ZNF317: variants seen among roughly 807,000 people sequenced by gnomAD.
The protein encoded by ZNF317 is KRAB-containing zinc finger protein 317.
A neutral mutation model predicts 23.4 loss-of-function variants in ZNF317; 17 were observed. The ratio of observed to expected loss-of-function variants is 0.73; its 90% CI spans 0.50 to 1.09. The LOEUF (loss-of-function observed/expected upper bound fraction) is 1.09, where lower values mean the gene tolerates loss of function less well. Among genes scored for constraint, ZNF317 ranks in the 50% least tolerant of loss-of-function variants. The pLI is 0.00. For missense variants in ZNF317, 679 were observed against 796.7 expected (o/e 0.85, Z 1.78); for synonymous variants, 317 against 314.9 (o/e 1.01, Z -0.07).
At chr19:9,158,329 C>G (rs1467936618) in intron 5 of ZNF317, among the ~76,000 whole-genome samples, 1 of 142,598 alleles carries the variant, frequency 7.0e-6, no homozygotes, top group Non-Finnish European at 1.5e-5. Flanking sequence ...CTGTCATTAT[C>G]AACATCATCT....
intron 1 of ZNF317, among the ~76,000 whole-genome samples, chr19:9,150,154 A>G (rs2050723766): frequency 6.6e-6 from 1 of 152,146 alleles, no homozygotes; most frequent in Non-Finnish European, 1.5e-5. Context: ...CAGTAGGGAT[A>G]CTAAGTAGCC....
chr19:9,155,017 T>C (rs1367185418), intron 1 of ZNF317, among the ~76,000 whole-genome samples: 2 of 152,204 alleles, frequency 1.3e-5, no homozygotes, highest in African/African-American at 4.8e-5. Flanking sequence ...TTACCCTTTT[T>C]GTTGGGTTGA....
chr19:9,144,164 A>G (rs1207590680), intron 1 of ZNF317, among the ~76,000 whole-genome samples: 2 of 151,680 alleles, frequency 1.3e-5, no homozygotes, highest in Non-Finnish European at 2.9e-5. Context: ...CACCACACCC[A>G]GCTAATTTTT....
In ZNF317 at chr19:9,140,416, C is replaced by T; in HGVS notation, c.-269C>T. ...GGCGGCAGTGAAGCGGAAGCCATTA[C>T]TCTCTGGAGTCGATTGCCCCGAGAC... On this transcript the variant is annotated 5_prime_UTR_variant, in exon 1 of 7. Coordinates refer to ENST00000247956, the MANE Select transcript of ZNF317 (RefSeq NM_020933.5). 2.4e-6 allele frequency: 1 copy of T among 421,798 alleles called. No individual in the cohort carries two copies. Among genetic ancestry groups the T allele is most frequent in the Non-Finnish European group, 4.7e-6 (1 of 210,770 alleles). 26.1% of individuals were successfully genotyped at this position (421,798 alleles called of 1,614,324 possible).
At chr19:9,147,484 G>A (rs1281801591) in intron 1 of ZNF317, among the ~76,000 whole-genome samples, 1 of 151,988 alleles carries the variant, frequency 6.6e-6, no homozygotes. Flanking sequence ...GGGACTACAG[G>A]CGCCCGCCAC....
intron 1 of ZNF317, among the ~76,000 whole-genome samples, chr19:9,147,553 G>A (rs991669696): frequency 5.3e-5 from 8 of 151,616 alleles, no homozygotes; most frequent in African/African-American, 1.9e-4. Flanking sequence ...TTCACAGGAT[G>A]GTCTCAATCT....
rs1374127175 is a variant in ZNF317 at position 9,160,590 on chromosome 19, C to T, written c.945C>T (p.Tyr315=). The change falls in exon 7 of 7, where the codon TAC becomes TAT. Residue 315 remains tyrosine (Y), a synonymous_variant. Coordinates refer to ENST00000247956, the MANE Select transcript of ZNF317 (RefSeq NM_020933.5). The surrounding 1 kb of genome is among the most constrained non-coding windows in gnomAD (Gnocchi z 6.8). ...AGTGTGATCAGTGCGGGAAGGCTTACGGCCGGAGCTGCCACCTCATCGCAC... is the reference window on the plus strand; with the variant it reads ...AGTGTGATCAGTGCGGGAAGGCTTATGGCCGGAGCTGCCACCTCATCGCAC... ...PYKCDQCGKA[Y]GRSCHLIAHK... The T allele has an allele frequency of 9.9e-6, 16 of 1,614,056 alleles. No homozygotes were observed. The highest frequency in any genetic ancestry group is 1.3e-5 in the African/African-American group (1 of 74,910).
At chr19:9,144,110 C>G (rs1227685568) in intron 1 of ZNF317, among the ~76,000 whole-genome samples, 2 of 151,952 alleles carry the variant, frequency 1.3e-5, no homozygotes, top group Non-Finnish European at 2.9e-5. Flanking sequence ...TCAAGTGATT[C>G]TCCTGTCTCA....
chr19:9,161,068 G>C lies in ZNF317; in HGVS notation c.1423G>C (p.Glu475Gln), dbSNP rs754588125. 1.9e-6 allele frequency: 3 copies of C among 1,614,088 alleles called. No individual in the cohort carries two copies. The highest frequency in any genetic ancestry group is 2.5e-6 in the Non-Finnish European group (3 of 1,180,054). ...GATACACACGCAAGAGAGACGCTAC[G>C]AATGCGCCGCCTGCGGGAAAGTCTT... ...RKIHTQERRY[E>Q]CAACGKVFGD... The change falls in exon 7 of 7, where the codon GAA (glutamate) becomes CAA (glutamine). Residue 475 changes from glutamate to glutamine, a missense_variant. Coordinates refer to ENST00000247956, the MANE Select transcript of ZNF317 (RefSeq NM_020933.5). This position sits in a 1 kb window ranked among gnomAD's most constrained non-coding sequence, Gnocchi z 4.0.
chr19:9,161,519 T>C lies in ZNF317; in HGVS notation c.*86T>C, dbSNP rs2050857238. ...AGGAAGCCTCTGTGAGCTCGCACCTTACTGGGTGCAAAAGAATCCACGGAA... is the reference window on the plus strand; with the variant it reads ...AGGAAGCCTCTGTGAGCTCGCACCTCACTGGGTGCAAAAGAATCCACGGAA... On this transcript the variant is annotated 3_prime_UTR_variant, in exon 7 of 7. Transcript: ENST00000247956. The surrounding 1 kb of genome is among the most constrained non-coding windows in gnomAD (Gnocchi z 4.0). The C allele has an allele frequency of 6.6e-7, 1 of 1,506,572 alleles. No individual in the cohort carries two copies. Among genetic ancestry groups the C allele is most frequent in the East Asian group, 2.3e-5 (1 of 43,996 alleles). 93.3% of individuals were successfully genotyped at this position (1,506,572 alleles called of 1,614,324 possible).
At position 9,155,954 on chromosome 19, in the gene ZNF317, A is replaced by G; in HGVS notation, c.-63A>G. 6.3e-7 allele frequency: 1 copy of G among 1,596,752 alleles called. No individual in the cohort carries two copies. Among genetic ancestry groups the G allele is most frequent in the Non-Finnish European group, 8.6e-7 (1 of 1,164,222 alleles). On this transcript the variant is annotated 5_prime_UTR_variant, in exon 2 of 7. Transcript: ENST00000247956. ...CAGCTTGGAGAGTCACGTGAGAGCA[A>G]GAGAGTAGCTTTCTGGTTGTCCTGG...
At position 9,140,455 on chromosome 19, in the gene ZNF317, A is replaced by C; in HGVS notation, c.-230A>C. On this transcript the variant is annotated 5_prime_UTR_variant, in exon 1 of 7. Coordinates refer to ENST00000247956, the MANE Select transcript of ZNF317 (RefSeq NM_020933.5). ...TTGCCCCGAGACACATGGGCCAAGG[A>C]GGGGTCAGCGGCGAATTCTTTCGGC... The C allele has an allele frequency of 2.2e-6, 1 of 454,770 alleles. No individual in the cohort carries two copies. Among genetic ancestry groups the C allele is most frequent in the South Asian group, 1.6e-5 (1 of 64,328 alleles). The allele number at this position is 454,770 out of a possible 1,614,324, so 28.2% of individuals were successfully genotyped here. A position where few individuals can be genotyped will look rare whatever the true frequency, so the allele number is the denominator to read the frequency against.
Position 9,157,281 on chromosome 19 carries a change from T to G in ZNF317, c.176T>G (p.Phe59Cys). The G allele has an allele frequency of 6.2e-7, 1 of 1,614,000 alleles. No individual in the cohort carries two copies. Among genetic ancestry groups the G allele is most frequent in the Non-Finnish European group, 8.5e-7 (1 of 1,179,948 alleles). The change falls in exon 4 of 7, where the codon TTC becomes TGC. Residue 59 changes from phenylalanine (F) to cysteine (C), a missense_variant. Phe to Cys is a radical substitution (Grantham distance 205). Coordinates refer to ENST00000247956, the MANE Select transcript of ZNF317 (RefSeq NM_020933.5). ...PSVGSQESVT[F>C]QDVAVDFTEK... Reference sequence around the variant, plus strand: ...GTGGCGTTCCAGGAATCGGTGACTTTCCAAGATGTCGCTGTGGACTTTACC... The same window carrying G: ...GTGGCGTTCCAGGAATCGGTGACTTGCCAAGATGTCGCTGTGGACTTTACC...
chr19:9,153,507 G>C (rs2050755062), intron 1 of ZNF317, among the ~76,000 whole-genome samples: 2 of 152,122 alleles, frequency 1.3e-5, no homozygotes, highest in Admixed American at 1.3e-4. Flanking sequence ...GCTTTTCCTA[G>C]GCAAAGGGAA....
chr19:9,142,340 G>A (rs1044764118), intron 1 of ZNF317, among the ~76,000 whole-genome samples: 2 of 152,064 alleles, frequency 1.3e-5, no homozygotes, highest in African/African-American at 4.8e-5. Flanking sequence ...TTTTGTGCTG[G>A]ACTGGGTGGG....
intron 1 of ZNF317, among the ~76,000 whole-genome samples, chr19:9,148,371 G>A (rs1303829243): frequency 6.6e-6 from 1 of 152,186 alleles, no homozygotes; most frequent in African/African-American, 2.4e-5. Context: ...AATTGATGTG[G>A]GTGCGCTCTC....
At chr19:9,154,446 G>A (rs755841460) in intron 1 of ZNF317, among the ~76,000 whole-genome samples, 10 of 150,560 alleles carry the variant, frequency 6.6e-5, no homozygotes, top group African/African-American at 1.2e-4. Context: ...ACTTAATTAC[G>A]TTTTGCCTAT....
chr19:9,161,640 C>A lies in ZNF317; in HGVS notation c.*207C>A. 2 of 641,256 alleles carry A rather than the reference C, an allele frequency of 3.1e-6. No homozygotes were observed. Among genetic ancestry groups the A allele is most frequent in the South Asian group, 2.3e-5 (1 of 43,912 alleles). The allele number at this position is 641,256 out of a possible 1,614,324, so 39.7% of individuals were successfully genotyped here. Reference sequence around the variant, plus strand: ...AACTCACGCCGGGGGTGAAAATGTACGTCTGTAGCATGGAGAAGCCTTCAG... The same window carrying A: ...AACTCACGCCGGGGGTGAAAATGTAAGTCTGTAGCATGGAGAAGCCTTCAG... On this transcript the variant is annotated 3_prime_UTR_variant, in exon 7 of 7. Transcript: ENST00000247956. This position sits in a 1 kb window ranked among gnomAD's most constrained non-coding sequence, Gnocchi z 4.0.
intron 5 of ZNF317, 83 bp downstream of exon 5, chr19:9,158,158 G>A (rs919707186): frequency 5.6e-6 from 8 of 1,430,926 alleles, no homozygotes; most frequent in South Asian, 3.0e-5. Flanking sequence ...GTTAGGGAGT[G>A]TCACCCAGGG....
Sources: gnomAD v4.1 joint callset for allele counts (sites outside exome capture counted in the v4.1 genomes callset) on GRCh38, gnomAD v4.1.1 for gene constraint, Gnocchi (gnomAD v3.1) non-coding constraint, MANE v1.5 for transcripts, NCBI Gene and HGNC (gene_info 2026-07-23, HGNC 2026-07-21) for gene names.